SEC22A: variants seen among roughly 807,000 people sequenced by gnomAD.
The protein encoded by SEC22A is vesicle-trafficking protein SEC22a.
SEC22A carries 22 observed loss-of-function variants against 35.3 expected under a neutral mutation model. The ratio of observed to expected loss-of-function variants is 0.62; its 90% confidence interval spans 0.45 to 0.89. The LOEUF (loss-of-function observed/expected upper bound fraction) is 0.89, where lower values mean the gene tolerates loss of function less well. Among genes scored for constraint, SEC22A ranks in the 40% least tolerant of loss-of-function variants. The probability of loss-of-function intolerance (pLI) is 0.00; values close to 1 mark genes in which losing one functional copy is unlikely to be tolerated. For synonymous variants in SEC22A, 119 were observed against 129.5 expected, an observed-to-expected ratio of 0.92 and a Z score of 0.55; for missense variants, 354 against 362.5, an observed-to-expected ratio of 0.98 and a Z score of 0.19.
At position 123,223,690 on chromosome 3, in the gene SEC22A, C is replaced by T. The variant is rs757884914; in HGVS notation, c.314C>T (p.Thr105Ile). 15 of 1,613,408 alleles carry T rather than the reference C, an allele frequency of 9.3e-6. No homozygotes were observed. In the South Asian group the frequency reaches 1.5e-4, roughly 17 times the overall value. ...ACTTATAACATGATGAAGACAAATA[C>T]TGCTGTCAGACCATACTGTTTCATT... The part of the protein sequence containing the change: ...ITTYNMMKTN[T>I]AVRPYCFIEF... The change falls in exon 3 of 7, where the codon ACT becomes ATT. Residue 105 changes from threonine to isoleucine, a missense_variant. Physicochemically the swap from Thr to Ile is moderately conservative, Grantham distance 89. Coordinates refer to ENST00000492595, the MANE Select transcript of SEC22A (RefSeq NM_012430.5).
intron 1 of SEC22A, chr3:123,208,194 C>T (rs1460251351): frequency 6.6e-6 from 1 of 152,166 alleles, no homozygotes; most frequent in African/African-American, 2.4e-5. Flanking sequence ...CATTATTAAA[C>T]TTTCTCCACA....
intron 4 of SEC22A, among the ~76,000 whole-genome samples, chr3:123,235,430 A>G (rs1473667774): frequency 6.9e-6 from 1 of 145,432 alleles, no homozygotes; most frequent in Non-Finnish European, 1.5e-5. Flanking sequence ...ACATGAAAAG[A>G]TGTTCAACGT....
chr3:123,243,024 C>T (rs1443334163), intron 4 of SEC22A, among the ~76,000 whole-genome samples: 1 of 152,042 alleles, frequency 6.6e-6, no homozygotes, highest in African/African-American at 2.4e-5. Context: ...TAATTCTTAG[C>T]CTAGAATTGT....
At chr3:123,222,421 G>A (rs1035997480) in intron 2 of SEC22A, among the ~76,000 whole-genome samples, 4 of 151,828 alleles carry the variant, frequency 2.6e-5, no homozygotes, top group Non-Finnish European at 5.9e-5. Flanking sequence ...CTGGTCTCAA[G>A]TTCCTGACCT....
chr3:123,255,470 T>TAC (rs1164895614), intron 5 of SEC22A, among the ~76,000 whole-genome samples: 2 of 151,920 alleles, frequency 1.3e-5, no homozygotes, highest in East Asian at 1.9e-4. Flanking sequence ...CATTTATACA[T>TAC]ACACACACAC....
intron 2 of SEC22A, among the ~76,000 whole-genome samples, chr3:123,209,672 A>G (rs1291002499): frequency 6.6e-6 from 1 of 152,182 alleles, no homozygotes; most frequent in African/African-American, 2.4e-5. Flanking sequence ...TTACATACCT[A>G]GGGTTGTAGT....
chr3:123,244,884 C>G (rs192333209), intron 4 of SEC22A, among the ~76,000 whole-genome samples: 1 of 152,176 alleles, frequency 6.6e-6, no homozygotes, highest in East Asian at 1.9e-4. Flanking sequence ...TTCATGTAGA[C>G]CCTGTTGTTA....
At chr3:123,250,277 G>A (rs1327002567) in intron 5 of SEC22A, among the ~76,000 whole-genome samples, 1 of 152,154 alleles carries the variant, frequency 6.6e-6, no homozygotes, top group African/African-American at 2.4e-5. Context: ...GGGTGTGGTG[G>A]CGCACGCCTA....
intron 4 of SEC22A, among the ~76,000 whole-genome samples, chr3:123,244,621 G>A (rs1211575438): frequency 1.3e-5 from 2 of 152,138 alleles, no homozygotes; most frequent in African/African-American, 2.4e-5. Flanking sequence ...TGAACTTGGG[G>A]AATAAATACT....
At chr3:123,236,895 G>A (rs571498431) in intron 4 of SEC22A, among the ~76,000 whole-genome samples, 1 of 152,166 alleles carries the variant, frequency 6.6e-6, no homozygotes, top group East Asian at 1.9e-4. Context: ...AACTTTGAAA[G>A]GATGAAAGAA....
intron 2 of SEC22A, among the ~76,000 whole-genome samples, chr3:123,217,688 A>G (rs555047700): frequency 3.3e-5 from 5 of 152,348 alleles, no homozygotes; most frequent in Admixed American, 6.5e-5. Context: ...TGTTATATGT[A>G]ATACAAATAA....
chr3:123,245,065 G>A (rs1466708083), intron 4 of SEC22A, among the ~76,000 whole-genome samples: 2 of 152,216 alleles, frequency 1.3e-5, no homozygotes, highest in South Asian at 2.1e-4. Context: ...GAACTTCATA[G>A]CTATAAGACT....
At chr3:123,223,501 G>A in intron 2 of SEC22A, 58 bp from the exon 3 acceptor site, 2 of 1,318,032 alleles carry the variant, frequency 1.5e-6, no homozygotes, top group South Asian at 1.2e-5. Context: ...GTCTTGTGAA[G>A]CAGTGAATTA....
chr3:123,269,994 G>A (rs936539491), intron 6 of SEC22A, among the ~76,000 whole-genome samples: 5 of 152,086 alleles, frequency 3.3e-5, no homozygotes, highest in African/African-American at 9.7e-5. Flanking sequence ...GACAATTAAT[G>A]CAATACAGAA....
At chr3:123,270,598 A>C (rs375724477) in intron 6 of SEC22A, among the ~76,000 whole-genome samples, 31 of 152,362 alleles carry the variant, frequency 2.0e-4, no homozygotes, top group African/African-American at 7.0e-4. Context: ...CTGGAGATAA[A>C]TGAGTAAATA....
In SEC22A at chr3:123,209,175, C is replaced by A. The variant is rs753754434; in HGVS notation, c.-19-24C>A. On this transcript the variant is annotated intron_variant, in intron 1 of 6. Transcript: ENST00000492595. ...AAGTTTGGCTTTAATTTTTATGTAA[C>A]CCAAATTGTTCATTTTGTTTTAGGT... The A allele has an allele frequency of 1.9e-6, 3 of 1,585,720 alleles. No homozygotes were observed. The Admixed American group carries it at 5.0e-5, about 26-fold the overall frequency.
chr3:123,228,973 T>C (rs1173864605), intron 4 of SEC22A, among the ~76,000 whole-genome samples: 1 of 151,466 alleles, frequency 6.6e-6, no homozygotes, highest in East Asian at 1.9e-4. Context: ...GAAAAAAGAA[T>C]GAAGAAAAAT....
intron 5 of SEC22A, among the ~76,000 whole-genome samples, chr3:123,251,609 A>C (rs1937615013): frequency 1.3e-5 from 2 of 152,214 alleles, no homozygotes; most frequent in African/African-American, 4.8e-5. Context: ...AGGAGCAAGG[A>C]AACAACAGAA....
chr3:123,249,672 G>A (rs929122202), intron 5 of SEC22A, among the ~76,000 whole-genome samples: 2 of 152,038 alleles, frequency 1.3e-5, no homozygotes, highest in South Asian at 2.1e-4. Flanking sequence ...TTACAGATGT[G>A]CATCACCATG....
Sources: allele counts gnomAD v4.1 joint callset (sites outside exome capture counted in the v4.1 genomes callset), GRCh38; gene constraint gnomAD v4.1.1; transcripts MANE v1.5; gene names NCBI Gene and HGNC (gene_info 2026-07-23, HGNC 2026-07-21).